CSMD1: variants seen among roughly 807,000 people sequenced by gnomAD.
The protein encoded by CSMD1 is CUB and Sushi multiple domains 1.
Under a neutral mutation model 417.5 loss-of-function variants are expected in CSMD1, and 213 were observed. The ratio of observed to expected loss-of-function variants is 0.51; its 90% CI spans 0.46 to 0.57. The LOEUF (loss-of-function observed/expected upper bound fraction) is 0.57, where lower values mean the gene tolerates loss of function less well. Among genes scored for constraint, CSMD1 ranks in the 20% least tolerant of loss-of-function variants. The pLI is 0.00. For synonymous variants in CSMD1, 2,862 were observed against 1,736.8 expected (o/e 1.65, Z -16.11); for missense variants, 6,923 against 4,529.7 (o/e 1.53, Z -15.17).
chr8:4,079,258 T>A (rs1049654381), intron 3 of CSMD1, among the ~76,000 whole-genome samples: 2 of 152,148 alleles, frequency 1.3e-5, no homozygotes, highest in Non-Finnish European at 2.9e-5. Flanking sequence ...CCATGGAGAA[T>A]AAAGTATAGG....
At chr8:3,647,011 C>G (rs1054642217) in intron 7 of CSMD1, among the ~76,000 whole-genome samples, 1 of 152,172 alleles carries the variant, frequency 6.6e-6, no homozygotes, top group Non-Finnish European at 1.5e-5. Context: ...TGAAACATCT[C>G]AGCAGCTCTT....
intron 3 of CSMD1, among the ~76,000 whole-genome samples, chr8:4,283,277 T>C (rs181242470): frequency 4.3e-4 from 65 of 152,334 alleles, no homozygotes; most frequent in South Asian, 1.0e-3. Flanking sequence ...AATGCACATT[T>C]TCCATCTGTG....
At position 3,925,723 on chromosome 8, in the gene CSMD1, C is replaced by T. The variant is rs146937960; in HGVS notation, c.818+72180G>A. On this transcript the variant is annotated intron_variant, in intron 5 of 69. Transcript: ENST00000635120. ...GTAAGAAGTGCCTGTTACCTCCCGCCATGATTCTGAGGCCTCCCCAGCCAT... is the reference window on the plus strand; with the variant it reads ...GTAAGAAGTGCCTGTTACCTCCCGCTATGATTCTGAGGCCTCCCCAGCCAT... 1.2e-4 allele frequency among the ~76,000 whole-genome samples: 18 copies of T among 152,182 alleles called. No individual in the cohort carries two copies. The East Asian group carries it at 3.5e-3, about 29-fold the overall frequency.
chr8:3,202,958 A>AATT (rs1484113512), intron 31 of CSMD1, among the ~76,000 whole-genome samples: 17 of 152,132 alleles, frequency 1.1e-4, no homozygotes, highest in Non-Finnish European at 1.6e-4. Flanking sequence ...AGGACTTAAT[A>AATT]ATTTCTCTAC....
At chr8:3,804,062 G>A (rs991015631) in intron 5 of CSMD1, among the ~76,000 whole-genome samples, 22 of 151,998 alleles carry the variant, frequency 1.4e-4, no homozygotes, top group Admixed American at 1.4e-3. Context: ...GAGTAGCTGC[G>A]ATTACAGACG....
intron 2 of CSMD1, among the ~76,000 whole-genome samples, chr8:4,465,995 GA>G (rs1458116654): frequency 6.6e-6 from 1 of 152,184 alleles, no homozygotes; most frequent in Non-Finnish European, 1.5e-5. Flanking sequence ...AAAAGACTGA[GA>G]CATTAAAGAT....
intron 26 of CSMD1, among the ~76,000 whole-genome samples, chr8:3,262,184 A>AAAAATAT (rs1420684024): frequency 1.6e-5 from 1 of 63,172 alleles, no homozygotes; most frequent in African/African-American, 7.1e-5. Context: ...TGCTCATATG[A>AAAAATAT]ATATATATAT....
At chr8:3,858,111 C>G (rs894705974) in intron 5 of CSMD1, among the ~76,000 whole-genome samples, 1 of 152,210 alleles carries the variant, frequency 6.6e-6, no homozygotes, top group African/African-American at 2.4e-5. Flanking sequence ...ATAACATAGT[C>G]AAATCACTTC....
At chr8:3,616,385 C>G (rs1584966079) in intron 8 of CSMD1, among the ~76,000 whole-genome samples, 1 of 152,138 alleles carries the variant, frequency 6.6e-6, no homozygotes, top group Non-Finnish European at 1.5e-5. Context: ...GTTTGCTTCC[C>G]CTTCTGCCAT....
chr8:4,386,972 C>A (rs78920637), intron 3 of CSMD1, among the ~76,000 whole-genome samples: 2,097 of 152,214 alleles, frequency 0.014, 41 homozygotes, highest in Middle Eastern at 0.041. Context: ...TTACGATTAT[C>A]TATTGTATGA....
chr8:2,948,615 C>T (rs1314233512), intron 68 of CSMD1, among the ~76,000 whole-genome samples: 1 of 151,992 alleles, frequency 6.6e-6, no homozygotes, highest in Non-Finnish European at 1.5e-5. Context: ...CTCATTGAAG[C>T]AATTCTTTCA....
At chr8:4,162,282 A>C (rs888871594) in intron 3 of CSMD1, among the ~76,000 whole-genome samples, 2 of 152,212 alleles carry the variant, frequency 1.3e-5, no homozygotes, top group Non-Finnish European at 2.9e-5. Context: ...TCCAATAATA[A>C]AGTTTGCTAA....
intron 5 of CSMD1, among the ~76,000 whole-genome samples, chr8:3,781,696 C>G (rs765214141): frequency 1.3e-5 from 2 of 152,178 alleles, no homozygotes; most frequent in Admixed American, 6.5e-5. Context: ...CTCCAGCCTA[C>G]GGAGGTTCTA....
At chr8:3,445,738 T>C (rs926483142) in intron 12 of CSMD1, among the ~76,000 whole-genome samples, 7 of 151,978 alleles carry the variant, frequency 4.6e-5, no homozygotes, top group Non-Finnish European at 1.0e-4. Flanking sequence ...TCGAATAAAG[T>C]CCACAAGAAC....
At chr8:3,646,811 T>A (rs1178438659) in intron 7 of CSMD1, among the ~76,000 whole-genome samples, 1 of 152,092 alleles carries the variant, frequency 6.6e-6, no homozygotes, top group African/African-American at 2.4e-5. Context: ...AGCCCTGTCT[T>A]GCTTCCCCTG....
At chr8:4,905,203 C>A (rs574628224) in intron 1 of CSMD1, among the ~76,000 whole-genome samples, 1 of 152,084 alleles carries the variant, frequency 6.6e-6, no homozygotes, top group Non-Finnish European at 1.5e-5. Flanking sequence ...TTTGATATCT[C>A]ATCTGTGATT....
chr8:4,550,155 G>A (rs914412008), intron 2 of CSMD1, among the ~76,000 whole-genome samples: 1 of 151,712 alleles, frequency 6.6e-6, no homozygotes, highest in Admixed American at 6.6e-5. Context: ...GCCACATGAC[G>A]AAGGTCTCAG....
intron 12 of CSMD1, among the ~76,000 whole-genome samples, chr8:3,444,432 T>A (rs1325586902): frequency 6.6e-6 from 1 of 152,108 alleles, no homozygotes; most frequent in Non-Finnish European, 1.5e-5. Context: ...TTCCTAACAA[T>A]ACAAAACAAT....
chr8:3,645,485 G>C (rs1026885760), intron 7 of CSMD1, among the ~76,000 whole-genome samples: 1 of 152,194 alleles, frequency 6.6e-6, no homozygotes, highest in Non-Finnish European at 1.5e-5. Flanking sequence ...AAATGGGACA[G>C]TGGAAGAAAT....
Sources: gnomAD v4.1 joint callset for allele counts (sites outside exome capture counted in the v4.1 genomes callset) on GRCh38, gnomAD v4.1.1 for gene constraint, MANE v1.5 for transcripts, NCBI Gene and HGNC (gene_info 2026-07-23, HGNC 2026-07-21) for gene names.